ACTR3C: variants seen among roughly 807,000 people sequenced by gnomAD.
ACTR3C encodes actin-related protein 3C.
In ACTR3C, 18 loss-of-function variants were observed where a neutral mutation model predicts 26.3. The ratio of observed to expected loss-of-function variants is 0.68; its 90% CI spans 0.47 to 1.01. The LOEUF is 1.01. Among genes scored for constraint, ACTR3C ranks in the 50% least tolerant of loss-of-function variants. The probability of loss-of-function intolerance (pLI) is 0.00; values close to 1 mark genes in which losing one functional copy is unlikely to be tolerated. For missense variants in ACTR3C, 184 were observed against 250.7 expected (o/e 0.73, Z 1.80); for synonymous variants, 55 against 94.5 (o/e 0.58, Z 2.42).
chr7:149,995,667 A>G, the ACTR3C span, among the ~76,000 whole-genome samples: 1,500 of 152,314 alleles, frequency 9.8e-3, 17 homozygotes, highest in African/African-American at 0.034. Context: ...TTTCCAGAAC[A>G]CCACATGGCA....
the ACTR3C span, among the ~76,000 whole-genome samples, chr7:150,087,182 T>TAA: frequency 0.015 from 1,906 of 129,300 alleles, 47 homozygotes; most frequent in African/African-American, 0.054. Context: ...TGAATTTGTT[T>TAA]AAAAAAAAAA....
At chr7:150,143,549 C>T in the ACTR3C span, among the ~76,000 whole-genome samples, 1 of 152,326 alleles carries the variant, frequency 6.6e-6, no homozygotes, top group East Asian at 1.9e-4. Flanking sequence ...GGAACCTTCC[C>T]AGCTCTCCCA....
the ACTR3C span, among the ~76,000 whole-genome samples, chr7:150,136,725 G>A: frequency 9.3e-5 from 14 of 150,544 alleles, no homozygotes; most frequent in Non-Finnish European, 1.6e-4. Context: ...CTGAAAGTCA[G>A]TACAAGTTCA....
chr7:150,241,262 A>T (rs1262260712), downstream of ACTR3C, among the ~76,000 whole-genome samples: 1 of 152,176 alleles, frequency 6.6e-6, no homozygotes, highest in African/African-American at 2.4e-5. Context: ...CTATAAAGCC[A>T]TAGGAATAAA....
At position 150,284,774 on chromosome 7, in the gene ACTR3C, A is replaced by T; in HGVS notation, c.543T>A (p.Asp181Glu). 2 of 1,613,212 alleles carry T rather than the reference A, an allele frequency of 1.2e-6. No individual in the cohort carries two copies. The highest frequency in any genetic ancestry group is 1.7e-6 in the Non-Finnish European group (2 of 1,179,622). Residue 181 changes from aspartate to glutamate, a missense_variant, in exon 6 of 8, where the codon GAT becomes GAA. By Grantham distance (45) the Asp-to-Glu change is conservative (BLOSUM62 2). Transcript: ENST00000683684. ...ATACCTTATACAGCGGACGCCGCAC[A>T]TCGATGGGGCAGTTCTGTATTACTT... The part of the protein sequence containing the change: ...VDEVIQNCPI[D>E]VRRPLYKMEQ...
At chr7:150,256,548 G>C (rs1233999423) in intron 6 of ACTR3C, among the ~76,000 whole-genome samples, 2 of 152,192 alleles carry the variant, frequency 1.3e-5, no homozygotes, top group African/African-American at 4.8e-5. Flanking sequence ...AAGTGGGTGT[G>C]AAACCCTGAG....
the ACTR3C span, among the ~76,000 whole-genome samples, chr7:150,178,598 AAT>A: frequency 1.3e-5 from 2 of 150,468 alleles, no homozygotes; most frequent in Non-Finnish European, 2.9e-5. Flanking sequence ...ACACATTTTT[AAT>A]ATGAGTTGAG....
the ACTR3C span, among the ~76,000 whole-genome samples, chr7:150,185,739 C>G: frequency 6.6e-6 from 1 of 151,786 alleles, no homozygotes; most frequent in East Asian, 1.9e-4. Context: ...AAACTATTCT[C>G]CTATGCCTGA....
the ACTR3C span, among the ~76,000 whole-genome samples, chr7:150,149,759 C>T: frequency 2.7e-4 from 41 of 152,186 alleles, no homozygotes; most frequent in Admixed American, 1.8e-3. Context: ...TTTATCTTTT[C>T]TGTGTGCAGT....
At chr7:150,040,622 C>T in the ACTR3C span, 15 of 146,486 alleles carry the variant, frequency 1.0e-4, no homozygotes, top group Non-Finnish European at 1.8e-4. Context: ...GAGCTGCGTT[C>T]GGACCCATGT....
the ACTR3C span, chr7:150,004,611 T>C: frequency 1.3e-5 from 2 of 152,134 alleles, no homozygotes; most frequent in Non-Finnish European, 2.9e-5. Flanking sequence ...TAGAGCAACC[T>C]ACGGTGGGAA....
chr7:149,909,291 T>C, the ACTR3C span, among the ~76,000 whole-genome samples: 2 of 147,030 alleles, frequency 1.4e-5, no homozygotes, highest in East Asian at 3.9e-4. Flanking sequence ...AATCTTTCAA[T>C]AGAGTGAATA....
At chr7:150,097,331 G>T in the ACTR3C span, among the ~76,000 whole-genome samples, 2 of 151,720 alleles carry the variant, frequency 1.3e-5, no homozygotes, top group African/African-American at 4.9e-5. Flanking sequence ...CATACTCAGT[G>T]TCTACACAGG....
the ACTR3C span, among the ~76,000 whole-genome samples, chr7:150,022,375 T>C: frequency 1.3e-5 from 2 of 151,524 alleles, no homozygotes; most frequent in African/African-American, 2.4e-5. Context: ...AGTAGTACTG[T>C]GTCAGATACA....
chr7:150,113,825 A>AC, the ACTR3C span, among the ~76,000 whole-genome samples: 1 of 152,232 alleles, frequency 6.6e-6, no homozygotes, highest in Non-Finnish European at 1.5e-5. Flanking sequence ...TACTCTGGAT[A>AC]ATGTGACCGT....
At chr7:150,039,585 C>T in the ACTR3C span, among the ~76,000 whole-genome samples, 6 of 135,420 alleles carry the variant, frequency 4.4e-5, no homozygotes, top group Admixed American at 7.3e-5. Flanking sequence ...AGTAATCCCA[C>T]GTAAGGTACC....
the ACTR3C span, among the ~76,000 whole-genome samples, chr7:150,042,055 G>T: frequency 2.0e-5 from 2 of 101,178 alleles, no homozygotes; most frequent in African/African-American, 6.7e-5. Flanking sequence ...GGGGTCCTAA[G>T]CCAGGGGGGG....
the ACTR3C span, among the ~76,000 whole-genome samples, chr7:150,237,565 C>T: frequency 6.6e-6 from 1 of 152,144 alleles, no homozygotes; most frequent in Admixed American, 6.5e-5. Flanking sequence ...CCTTCCATAT[C>T]TCATAGGGTG....
chr7:150,253,220 G>T (rs1225010905), intron 6 of ACTR3C, among the ~76,000 whole-genome samples: 1 of 152,124 alleles, frequency 6.6e-6, no homozygotes, highest in Non-Finnish European at 1.5e-5. Context: ...ATGTCCTCTG[G>T]CTGGTTCTGA....
Sources: gnomAD v4.1 joint callset for allele counts (sites outside exome capture counted in the v4.1 genomes callset) on GRCh38, gnomAD v4.1.1 for gene constraint, MANE v1.5 for transcripts, NCBI Gene and HGNC (gene_info 2026-07-23, HGNC 2026-07-21) for gene names.